CEACAM21: variants seen among roughly 807,000 people sequenced by gnomAD.
The protein encoded by CEACAM21 is cell adhesion molecule CEACAM21.
A neutral mutation model predicts 33.2 loss-of-function variants in CEACAM21; 38 were observed. The ratio of observed to expected loss-of-function variants is 1.14; its 90% CI spans 0.88 to 1.50. The LOEUF (loss-of-function observed/expected upper bound fraction) is 1.50. CEACAM21 is among the 40% of genes most tolerant of loss of function. CEACAM21 has a pLI of 0.00. For missense variants in CEACAM21, 385 were observed against 364.6 expected (o/e 1.06, Z -0.46); for synonymous variants, 156 against 143.0 (o/e 1.09, Z -0.65).
intron 1 of CEACAM21, 143 bp from the exon 2 acceptor site, chr19:41,577,056 AT>A: frequency 1.2e-6 from 1 of 839,746 alleles, no homozygotes; most frequent in Non-Finnish European, 1.9e-6. Context: ...AATGAGGGTC[AT>A]GCTGCTGACT....
chr19:41,576,464 G>T, intron 1 of CEACAM21, 126 bp downstream of exon 1: 1 of 1,055,198 alleles, frequency 9.5e-7, no homozygotes, highest in Non-Finnish European at 1.3e-6. Flanking sequence ...GGGAGAGAGC[G>T]TCTAAGGAGA....
chr19:41,564,139 G>GA (rs1341800943), intron 1 of CEACAM21, among the ~76,000 whole-genome samples: 1 of 151,876 alleles, frequency 6.6e-6, no homozygotes, highest in Non-Finnish European at 1.5e-5. Flanking sequence ...GCCTTACAAT[G>GA]AAAAAAAGAA....
chr19:41,577,223 G>A lies in CEACAM21; in HGVS notation c.88G>A (p.Ala30Thr), dbSNP rs782185638. 13 of 1,613,988 alleles carry A rather than the reference G, an allele frequency of 8.1e-6. No homozygotes were observed. Among genetic ancestry groups the A allele is most frequent in the South Asian group, 3.3e-5 (3 of 91,064 alleles). Residue 30 changes from alanine (A) to threonine (T), a missense_variant, in exon 2 of 7, where the codon GCA becomes ACA. Physicochemically the swap from Ala to Thr is moderately conservative, Grantham distance 58 (BLOSUM62 0). Coordinates refer to ENST00000401445, the MANE Select transcript of CEACAM21 (RefSeq NM_001098506.4). ...AGCCTCACTTTTAACTTTCTGGAACGCACCCACCACTGCCTGGCTCTTTAT... is the reference window on the plus strand; with the variant it reads ...AGCCTCACTTTTAACTTTCTGGAACACACCCACCACTGCCTGGCTCTTTAT... ...LTASLLTFWN[A>T]PTTAWLFIAS...
intron 1 of CEACAM21, among the ~76,000 whole-genome samples, chr19:41,563,098 G>C (rs1355024800): frequency 6.6e-6 from 1 of 152,160 alleles, no homozygotes; most frequent in Non-Finnish European, 1.5e-5. Context: ...GCAGAGTGTG[G>C]TTGAAAATAA....
At chr19:41,557,020 G>A (rs536385904) in intron 1 of CEACAM21, among the ~76,000 whole-genome samples, 3 of 152,184 alleles carry the variant, frequency 2.0e-5, no homozygotes, top group Admixed American at 6.5e-5. Context: ...TAGAATTTGC[G>A]ATGCCATACT....
intron 1 of CEACAM21, chr19:41,553,722 A>G (rs1394919008): frequency 6.6e-6 from 1 of 152,064 alleles, no homozygotes; most frequent in Non-Finnish European, 1.5e-5. Flanking sequence ...AACCCTGTAC[A>G]GGGACTGTGT....
At position 41,586,514 on chromosome 19, in the gene CEACAM21, A is replaced by G; in HGVS notation, c.*51A>G. ...TTTACTGCTGGATCGACCACAAAGC[A>G]GATGTGGCTTCTTAGGTTCCTCTGG... On this transcript the variant is annotated 3_prime_UTR_variant, in exon 7 of 7. Coordinates refer to ENST00000401445, the MANE Select transcript of CEACAM21 (RefSeq NM_001098506.4). The G allele has an allele frequency of 1.6e-6, 1 of 632,778 alleles. No homozygotes were observed. The highest frequency in any genetic ancestry group is 1.4e-5 in the South Asian group (1 of 73,358). 39.2% of individuals were successfully genotyped at this position (632,778 alleles called of 1,614,324 possible). A position where few individuals can be genotyped will look rare whatever the true frequency, so the allele number is the denominator to read the frequency against.
intron 2 of CEACAM21, among the ~76,000 whole-genome samples, chr19:41,565,242 G>A (rs758637764): frequency 6.6e-6 from 1 of 151,908 alleles, no homozygotes; most frequent in Non-Finnish European, 1.5e-5. Flanking sequence ...CTCCCCTGTG[G>A]CACCGCCACC....
intron 1 of CEACAM21, among the ~76,000 whole-genome samples, chr19:41,558,596 G>A (rs905962637): frequency 1.3e-5 from 2 of 152,096 alleles, no homozygotes; most frequent in African/African-American, 4.8e-5. Context: ...GCAGTGAGCC[G>A]AGATCATGCC....
intron 1 of CEACAM21, chr19:41,551,081 G>C (rs1427064799): frequency 2.0e-5 from 3 of 151,376 alleles, no homozygotes; most frequent in African/African-American, 4.9e-5. Context: ...ACTTACCTGA[G>C]AAAGACAAGT....
At chr19:41,585,801 T>A (rs373075220) in intron 5 of CEACAM21, 39 bp from the exon 6 acceptor site, 1 of 1,605,084 alleles carries the variant, frequency 6.2e-7, no homozygotes, top group Non-Finnish European at 8.5e-7. Context: ...GGCCCAGCTA[T>A]CCTAACACTC....
chr19:41,577,012 C>A (rs1439880288), intron 1 of CEACAM21, among the ~76,000 whole-genome samples, 188 bp from the exon 2 acceptor site: 1 of 152,054 alleles, frequency 6.6e-6, no homozygotes, highest in African/African-American at 2.4e-5. Flanking sequence ...AGAGGGTTCA[C>A]ACAAGGAAAT....
chr19:41,563,701 C>T (rs1158875080), intron 1 of CEACAM21, among the ~76,000 whole-genome samples: 1 of 152,242 alleles, frequency 6.6e-6, no homozygotes, highest in East Asian at 1.9e-4. Flanking sequence ...AGCAGCTCCT[C>T]TAGGAACGGA....
chr19:41,557,497 T>TCAG (rs1251251291), intron 1 of CEACAM21, among the ~76,000 whole-genome samples: 1 of 152,144 alleles, frequency 6.6e-6, no homozygotes, highest in East Asian at 1.9e-4. Context: ...ACAAGCAGTA[T>TCAG]CAGCATGTGA....
At chr19:41,554,721 C>T (rs1555785136) in intron 1 of CEACAM21, among the ~76,000 whole-genome samples, 3 of 151,934 alleles carry the variant, frequency 2.0e-5, no homozygotes, top group Non-Finnish European at 4.4e-5. Context: ...CTTTCTATAA[C>T]CCTTTACAAT....
Position 41,586,326 on chromosome 19 carries a change from G to A in CEACAM21, c.*1-138G>A, listed in dbSNP as rs1365463497. ...ATAACAGGAGGTGGTGAGCAGAGGA[G>A]GGAGGGGCCTGGGAGCAGGAACCCC... is the stretch of plus-strand genomic sequence containing the variant. On this transcript the variant is annotated intron_variant, in intron 6 of 6. Transcript: ENST00000401445. 8 of 585,410 alleles carry A rather than the reference G, an allele frequency of 1.4e-5. No homozygotes were observed. The Middle Eastern group carries it at 1.1e-3, about 81-fold the overall frequency. 36.3% of individuals were successfully genotyped at this position (585,410 alleles called of 1,614,324 possible).
chr19:41,577,059 C>A, intron 1 of CEACAM21, 141 bp from the exon 2 acceptor site: 1 of 858,548 alleles, frequency 1.2e-6, no homozygotes, highest in Non-Finnish European at 1.8e-6. Flanking sequence ...GAGGGTCATG[C>A]TGCTGACTTT....
At chr19:41,567,974 T>C (rs1370254687) in intron 2 of CEACAM21, among the ~76,000 whole-genome samples, 2 of 152,090 alleles carry the variant, frequency 1.3e-5, no homozygotes, top group East Asian at 3.9e-4. Context: ...TCTTCCTTTT[T>C]AGTGCTTCAT....
intron 1 of CEACAM21, chr19:41,550,218 C>T (rs960632668): frequency 1.2e-4 from 18 of 152,184 alleles, no homozygotes; most frequent in African/African-American, 4.3e-4. Flanking sequence ...TATCTATACA[C>T]CCAGTAAAAT....
Sources: allele counts gnomAD v4.1 joint callset (sites outside exome capture counted in the v4.1 genomes callset), GRCh38; gene constraint gnomAD v4.1.1; transcripts MANE v1.5; gene names NCBI Gene and HGNC (gene_info 2026-07-23, HGNC 2026-07-21).